The following GABRG3 variants were observed in gnomAD, a reference collection of about 807,000 sequenced individuals.
GABRG3 encodes gamma-aminobutyric acid receptor subunit gamma-3.
A neutral mutation model predicts 48.8 loss-of-function variants in GABRG3; 25 were observed. The ratio of observed to expected loss-of-function variants is 0.51; its 90% CI spans 0.37 to 0.72. GABRG3 has a LOEUF of 0.72. Among genes scored for constraint, GABRG3 ranks in the 30% least tolerant of loss-of-function variants. The probability of loss-of-function intolerance (pLI) is 0.00; values close to 1 mark genes in which losing one functional copy is unlikely to be tolerated. For missense variants in GABRG3, 394 were observed against 577.9 expected, an observed-to-expected ratio of 0.68 and a Z score of 3.26; for synonymous variants, 227 against 217.6, an observed-to-expected ratio of 1.04 and a Z score of -0.38.
At chr15:27,074,884 A>G (rs1190540556) in intron 3 of GABRG3, among the ~76,000 whole-genome samples, 2 of 152,130 alleles carry the variant, frequency 1.3e-5, no homozygotes, top group African/African-American at 4.8e-5. Flanking sequence ...AGAGTTGGAC[A>G]TTACATGGAG....
intron 6 of GABRG3, among the ~76,000 whole-genome samples, chr15:27,500,952 G>GTTT (rs61305255): frequency 0.011 from 1,399 of 122,112 alleles, 75 homozygotes; most frequent in Middle Eastern, 0.015. Flanking sequence ...AGTAACGTAT[G>GTTT]TTTTTTTTTT....
intron 3 of GABRG3, among the ~76,000 whole-genome samples, chr15:27,215,721 A>G (rs147531318): frequency 6.6e-6 from 1 of 152,146 alleles, no homozygotes; most frequent in Non-Finnish European, 1.5e-5. Flanking sequence ...TGCTCGAGTC[A>G]GGGGTGTGGG....
chr15:27,333,741 C>T (rs919886073), intron 5 of GABRG3, among the ~76,000 whole-genome samples: 1 of 152,066 alleles, frequency 6.6e-6, no homozygotes, highest in African/African-American at 2.4e-5. Flanking sequence ...CCTGCCTGGT[C>T]GATATGCCAC....
chr15:27,307,044 C>CATGTATAAAAT lies in GABRG3; in HGVS notation c.271-19761_271-19760insATAAAATATGT, dbSNP rs1892575594. 5.3e-5 allele frequency among the ~76,000 whole-genome samples: 6 copies of CATGTATAAAAT among 114,162 alleles called. 1 individual carries two copies. In the Admixed American group the frequency reaches 5.4e-4, roughly 10 times the overall value. 74.9% of individuals were successfully genotyped at this position (114,162 alleles called of 152,430 possible). On this transcript the variant is annotated intron_variant, in intron 3 of 9. Coordinates refer to ENST00000615808, the MANE Select transcript of GABRG3 (RefSeq NM_033223.5). ...TATATATAAACATGTATAAAATAAA[C>CATGTATAAAAT]ATGTTTATATATAAACATGTATAAT...
At chr15:27,189,432 G>C (rs1888218581) in intron 3 of GABRG3, among the ~76,000 whole-genome samples, 1 of 152,190 alleles carries the variant, frequency 6.6e-6, no homozygotes, top group Non-Finnish European at 1.5e-5. Flanking sequence ...TTTCCTTGAA[G>C]AGGTCCTTCA....
At chr15:27,364,402 A>T (rs1356338222) in intron 5 of GABRG3, 6 of 152,440 alleles carry the variant, frequency 3.9e-5, no homozygotes, top group Non-Finnish European at 8.8e-5. Flanking sequence ...GGGCACTCTT[A>T]TGTTGCCTGA....
intron 5 of GABRG3, among the ~76,000 whole-genome samples, chr15:27,418,296 A>G (rs1330040877): frequency 6.6e-6 from 1 of 152,172 alleles, no homozygotes; most frequent in East Asian, 1.9e-4. Flanking sequence ...GGAAGGAGCA[A>G]TCTCCTGGGA....
intron 3 of GABRG3, among the ~76,000 whole-genome samples, chr15:27,156,650 C>A (rs1000863487): frequency 6.6e-6 from 1 of 152,140 alleles, no homozygotes; most frequent in African/African-American, 2.4e-5. Flanking sequence ...TTCCATCTTA[C>A]CAAAATGAAA....
chr15:27,201,386 G>A (rs1302437761), intron 3 of GABRG3, among the ~76,000 whole-genome samples: 1 of 150,682 alleles, frequency 6.6e-6, no homozygotes. Context: ...GAGAAAGAGA[G>A]AGAGAACCAC....
chr15:27,120,073 G>A (rs955644936), intron 3 of GABRG3, among the ~76,000 whole-genome samples: 6 of 152,136 alleles, frequency 3.9e-5, no homozygotes, highest in African/African-American at 1.2e-4. Context: ...TGAGTTCGTC[G>A]GTGACAATAA....
chr15:27,038,410 T>G (rs1450924188), intron 3 of GABRG3, among the ~76,000 whole-genome samples: 1 of 152,148 alleles, frequency 6.6e-6, no homozygotes, highest in Non-Finnish European at 1.5e-5. Context: ...AACCCAGGCA[T>G]TCTTTTGAGG....
chr15:27,251,160 G>T (rs17137727), intron 3 of GABRG3, among the ~76,000 whole-genome samples: 76,020 of 151,902 alleles, frequency 0.5, 19,686 homozygotes, highest in African/African-American at 0.54. Flanking sequence ...GGCTGTTTTC[G>T]AAAGTTCCCC....
intron 3 of GABRG3, chr15:27,294,700 C>CA (rs1891919586): frequency 6.6e-6 from 1 of 152,106 alleles, no homozygotes; most frequent in African/African-American, 2.4e-5. Flanking sequence ...GGGTGAGGCA[C>CA]AGCAGCCTGT....
intron 3 of GABRG3, among the ~76,000 whole-genome samples, chr15:27,054,109 C>A (rs968460261): frequency 1.3e-5 from 2 of 151,984 alleles, no homozygotes; most frequent in Non-Finnish European, 2.9e-5. Context: ...AAAAATAGCA[C>A]GCACCTGTAA....
intron 3 of GABRG3, among the ~76,000 whole-genome samples, chr15:27,201,894 T>C (rs1020179276): frequency 3.9e-5 from 6 of 152,218 alleles, no homozygotes; most frequent in African/African-American, 1.2e-4. Flanking sequence ...AAGTTAAAAG[T>C]AGCAATTTGC....
Position 27,355,259 on chromosome 15 carries a change from C to T in GABRG3, c.574+26371C>T, listed in dbSNP as rs142873808. ...ACCATGGAAAGAGGGAGAATTAAAG[C>T]ATGTGAGTGTGCAACTCAACAATAA... On this transcript the variant is annotated intron_variant, in intron 5 of 9. Transcript: ENST00000615808. Among the ~76,000 whole-genome samples the T allele has an allele frequency of 1.8e-3, 270 of 152,252 alleles. 1 individual carries two copies. The highest frequency in any genetic ancestry group is 6.0e-3 in the African/African-American group (249 of 41,548).
At chr15:27,139,626 A>G (rs920094504) in intron 3 of GABRG3, among the ~76,000 whole-genome samples, 1 of 152,192 alleles carries the variant, frequency 6.6e-6, no homozygotes, top group African/African-American at 2.4e-5. Context: ...TTTCCCAGAA[A>G]TTCTATATCT....
chr15:27,370,671 T>C (rs1386712011), intron 5 of GABRG3, among the ~76,000 whole-genome samples: 1 of 152,216 alleles, frequency 6.6e-6, no homozygotes, highest in Non-Finnish European at 1.5e-5. Flanking sequence ...TCACATGGTC[T>C]TTTCCCCATC....
intron 3 of GABRG3, among the ~76,000 whole-genome samples, chr15:27,296,430 A>T (rs1891985584): frequency 6.6e-6 from 1 of 152,144 alleles, no homozygotes; most frequent in African/African-American, 2.4e-5. Context: ...TAACTTGAGT[A>T]ACTTTCATTT....
Sources: allele counts gnomAD v4.1 joint callset (sites outside exome capture counted in the v4.1 genomes callset), GRCh38; gene constraint gnomAD v4.1.1; transcripts MANE v1.5; gene names NCBI Gene and HGNC (gene_info 2026-07-23, HGNC 2026-07-21).